IPO9: variants seen among roughly 807,000 people sequenced by gnomAD.
The protein encoded by IPO9 is importin 9.
A neutral mutation model predicts 128.6 loss-of-function variants in IPO9; 28 were observed. The observed-to-expected ratio is 0.22, with a 90% CI of 0.16 to 0.30. IPO9 has a LOEUF of 0.30. IPO9 is among the 10% of genes least tolerant of loss of function. The probability of loss-of-function intolerance (pLI) is 1.00; values close to 1 mark genes in which losing one functional copy is unlikely to be tolerated. For synonymous variants in IPO9, 455 were observed against 475.8 expected (o/e 0.96, Z 0.57); for missense variants, 935 against 1,293.9 (o/e 0.72, Z 4.26).
intron 9 of IPO9, 47 bp from the exon 10 acceptor site, chr1:201,855,736 C>T (rs1680317592): frequency 2.6e-6 from 4 of 1,551,602 alleles, no homozygotes; most frequent in Admixed American, 2.0e-5. Flanking sequence ...ATATGCTTTC[C>T]TTTTGCTTTC....
intron 1 of IPO9, among the ~76,000 whole-genome samples, chr1:201,831,486 A>G (rs968261219): frequency 3.9e-5 from 6 of 152,164 alleles, no homozygotes; most frequent in African/African-American, 1.4e-4. Context: ...ATGTCTATCA[A>G]AAAAACTATA....
At chr1:201,867,004 G>A (rs1680566230) in intron 15 of IPO9, 45 bp downstream of exon 15, 1 of 1,444,526 alleles carries the variant, frequency 6.9e-7, no homozygotes, top group African/African-American at 1.4e-5. Context: ...CCAAAGAAAA[G>A]GTGGTGGCTG....
chr1:201,872,972 C>T lies in IPO9; in HGVS notation c.2710+11C>T. 1 of 1,607,834 alleles carries T rather than the reference C, an allele frequency of 6.2e-7. No individual in the cohort carries two copies. The highest frequency in any genetic ancestry group is 1.1e-5 in the South Asian group (1 of 90,268). ...CTAAGTCAGCCAAAAGTGGGTGCTG[C>T]TGCGATTCTTCCAATCCTCTCCCTA... On this transcript the variant is annotated intron_variant, in intron 20 of 23. Coordinates refer to ENST00000361565, the MANE Select transcript of IPO9 (RefSeq NM_018085.5).
At chr1:201,872,758 A>T (rs2102890091) in intron 19 of IPO9, 70 bp from the exon 20 acceptor site, 1 of 1,536,748 alleles carries the variant, frequency 6.5e-7, no homozygotes, top group East Asian at 2.3e-5. Flanking sequence ...TTAGGACATA[A>T]TTGCTTATCT....
chr1:201,860,889 C>T (rs747508270), intron 13 of IPO9, among the ~76,000 whole-genome samples: 4 of 152,088 alleles, frequency 2.6e-5, no homozygotes, highest in Non-Finnish European at 4.4e-5. Context: ...AAAGTGAGGC[C>T]GGGCATGGTG....
Position 201,851,010 on chromosome 1 carries a change from T to TTTTA in IPO9, c.515-1074_515-1071dup, listed in dbSNP as rs745557334. Among the ~76,000 whole-genome samples, 911 of 151,948 alleles carry TTTTA rather than the reference T, an allele frequency of 6.0e-3. 11 individuals are homozygous for TTTTA. The highest frequency in any genetic ancestry group is 0.02 in the African/African-American group (834 of 41,412). Reference sequence around the variant, plus strand: ...CCCAAGTGGTTAGCTTTATTTTTAGTTTTATTTATTTATTTATTTATTTGA... The same window carrying TTTTA: ...CCCAAGTGGTTAGCTTTATTTTTAGTTTTATTTATTTATTTATTTATTTATTTGA... On this transcript the variant is annotated intron_variant, in intron 4 of 23. Transcript: ENST00000361565.
At chr1:201,831,883 CTT>C in intron 1 of IPO9, among the ~76,000 whole-genome samples, 1 of 143,010 alleles carries the variant, frequency 7.0e-6, no homozygotes, top group African/African-American at 2.5e-5. Context: ...GTGTTTTTTG[CTT>C]TTGTTGTTGT....
At position 201,866,761 on chromosome 1, in the gene IPO9, A is replaced by T. The variant is rs747150279; in HGVS notation, c.1657A>T (p.Ser553Cys). The change falls in exon 15 of 24, where the codon AGT becomes TGT. Residue 553 changes from serine to cysteine, a missense_variant. Ser to Cys is a moderately radical substitution (Grantham distance 112, BLOSUM62 -1). Transcript: ENST00000361565. ...TTGTGACCAACTGAAAGTCTCAGAG[A>T]GTACCCACGTGCTCCAGCCCTTCCT... Reference protein sequence around the residue: ...GYCDQLKVSESTHVLQPFLPS... With the variant: ...GYCDQLKVSECTHVLQPFLPS... 1 of 1,613,630 alleles carries T rather than the reference A, an allele frequency of 6.2e-7. No individual in the cohort carries two copies.
In IPO9 at chr1:201,876,155, C is replaced by T. The variant is rs745748484; in HGVS notation, c.*101C>T. 2.3e-6 allele frequency: 2 copies of T among 856,106 alleles called. No individual in the cohort carries two copies. The highest frequency in any genetic ancestry group is 2.0e-6 in the Non-Finnish European group (1 of 488,450). The allele number at this position is 856,106 out of a possible 1,614,324, so 53.0% of individuals were successfully genotyped here. ...GCACTTTCTTCTCAACCTAAAGTGGCATCTTGACCCTTGGCCCTTGGCCTC... is the reference window on the plus strand; with the variant it reads ...GCACTTTCTTCTCAACCTAAAGTGGTATCTTGACCCTTGGCCCTTGGCCTC... On this transcript the variant is annotated 3_prime_UTR_variant, in exon 24 of 24. Coordinates refer to ENST00000361565, the MANE Select transcript of IPO9 (RefSeq NM_018085.5).
intron 1 of IPO9, among the ~76,000 whole-genome samples, chr1:201,830,314 T>G (rs1041263016): frequency 6.6e-6 from 1 of 152,240 alleles, no homozygotes; most frequent in African/African-American, 2.4e-5. Context: ...ATCAGAGATA[T>G]GGGAAATTGT....
chr1:201,853,216 T>C (rs1469035109), intron 6 of IPO9, 119 bp downstream of exon 6: 1 of 762,114 alleles, frequency 1.3e-6, no homozygotes, highest in Non-Finnish European at 2.3e-6. Context: ...TAGAGATAGA[T>C]TTAACATTTT....
At chr1:201,874,214 G>T in intron 20 of IPO9, 36 bp from the exon 21 acceptor site, 1 of 1,610,754 alleles carries the variant, frequency 6.2e-7, no homozygotes, top group South Asian at 1.1e-5. Context: ...TAAGCTCAGT[G>T]ACACTCTGAC....
chr1:201,848,368 G>A (rs1412205879), intron 3 of IPO9, 25 bp from the exon 4 acceptor site: 8 of 1,593,994 alleles, frequency 5.0e-6, no homozygotes, highest in African/African-American at 1.3e-5. Flanking sequence ...TGATCTAATA[G>A]CAGGTGGACT....
chr1:201,850,804 C>T (rs1680199985), intron 4 of IPO9: 1 of 152,096 alleles, frequency 6.6e-6, no homozygotes, highest in Non-Finnish European at 1.5e-5. Flanking sequence ...AAATAGAACA[C>T]TCACCATTCA....
At chr1:201,871,133 T>A (rs1680643365) in intron 18 of IPO9, 28 bp from the exon 19 acceptor site, 1 of 1,606,196 alleles carries the variant, frequency 6.2e-7, no homozygotes, top group South Asian at 1.1e-5. Flanking sequence ...TTGATTTCCC[T>A]GAAGCAAATG....
chr1:201,855,922 C>T lies in IPO9; in HGVS notation c.1110C>T (p.Ile370=). Reference sequence around the variant, plus strand: ...ATTATATTATCCTGTACATGCAAATCACTGAGGAGCAGGTAAATAATATTT... The same window carrying T: ...ATTATATTATCCTGTACATGCAAATTACTGAGGAGCAGGTAAATAATATTT... ...LIYYIILYMQ[I]TEEQIKVWTA... The change falls in exon 10 of 24, where the codon ATC becomes ATT. Residue 370 remains isoleucine (I), a synonymous_variant. Coordinates refer to ENST00000361565, the MANE Select transcript of IPO9 (RefSeq NM_018085.5). The T allele has an allele frequency of 1.9e-6, 3 of 1,582,746 alleles. No homozygotes were observed. The highest frequency in any genetic ancestry group is 2.6e-6 in the Non-Finnish European group (3 of 1,171,064).
At chr1:201,861,115 G>A (rs938146304) in intron 13 of IPO9, among the ~76,000 whole-genome samples, 1 of 152,040 alleles carries the variant, frequency 6.6e-6, no homozygotes, top group South Asian at 2.1e-4. Flanking sequence ...GCAGTGAGCC[G>A]AGATTGTGCC....
In IPO9 at chr1:201,852,294, A is replaced by G; in HGVS notation, c.603+102A>G. ...GTGTTTGCAACTGATCTCAATACCTAAAAACTAGAACTGACAAAGATCTGG... is the reference window on the plus strand; with the variant it reads ...GTGTTTGCAACTGATCTCAATACCTGAAAACTAGAACTGACAAAGATCTGG... On this transcript the variant is annotated intron_variant, in intron 5 of 23. Coordinates refer to ENST00000361565, the MANE Select transcript of IPO9 (RefSeq NM_018085.5). 3 of 661,758 alleles carry G rather than the reference A, an allele frequency of 4.5e-6. No homozygotes were observed. The South Asian group carries it at 5.6e-5, about 12-fold the overall frequency. 41.0% of individuals were successfully genotyped at this position (661,758 alleles called of 1,614,324 possible). A position where few individuals can be genotyped will look rare whatever the true frequency, so the allele number is the denominator to read the frequency against.
chr1:201,864,689 G>A (rs1244892575), intron 14 of IPO9, among the ~76,000 whole-genome samples: 2 of 152,218 alleles, frequency 1.3e-5, no homozygotes, highest in Admixed American at 1.3e-4. Context: ...ACTTTCCAGA[G>A]TGTTTTAGGT....
Sources: allele counts gnomAD v4.1 joint callset (sites outside exome capture counted in the v4.1 genomes callset), GRCh38; gene constraint gnomAD v4.1.1; transcripts MANE v1.5; gene names NCBI Gene and HGNC (gene_info 2026-07-23, HGNC 2026-07-21).